Variants in CACNA1F observed in about 807,000 individuals in gnomAD.
CACNA1F encodes calcium voltage-gated channel subunit alpha1 F.
Under a neutral mutation model 143.8 loss-of-function variants are expected in CACNA1F, and 59 were observed. The ratio of observed to expected loss-of-function variants is 0.41; its 90% CI spans 0.33 to 0.51. The LOEUF is 0.51. Ranked by LOEUF, CACNA1F falls within the 20% of genes least tolerant of loss-of-function variation. The pLI is 0.22. For missense variants in CACNA1F, 1,411 were observed against 1,647.5 expected, an observed-to-expected ratio of 0.86 and a Z score of 2.48; for synonymous variants, 643 against 649.1, an observed-to-expected ratio of 0.99 and a Z score of 0.14.
At position 49,215,119 on chromosome X, in the gene CACNA1F, G is replaced by A; in HGVS notation, c.3564C>T (p.Leu1188=). ...SAAFEYLMFL[L]ILLNTVALAM... is the part of the protein sequence containing the mutation. Reference sequence around the variant, plus strand: ...CTAGGGCAACTGTGTTGAGCAGGATGAGCAGGAACATCAGGTACTCAAAGG... The same window carrying A: ...CTAGGGCAACTGTGTTGAGCAGGATAAGCAGGAACATCAGGTACTCAAAGG... Residue 1188 remains leucine, a synonymous_variant, in exon 29 of 48, where the codon CTC becomes CTT. Coordinates refer to ENST00000323022, the MANE Select transcript of CACNA1F (RefSeq NM_001256789.3). 1.7e-6 allele frequency: 2 copies of A among 1,210,888 alleles called. No homozygotes were observed. The highest frequency in any genetic ancestry group is 4.6e-4 in the Middle Eastern group (2 of 4,354).
In CACNA1F at chrX:49,211,023, C is replaced by G; in HGVS notation, c.4330G>C (p.Gly1444Arg). 1 of 1,205,183 alleles carries G rather than the reference C, an allele frequency of 8.3e-7. No homozygotes were observed. Among genetic ancestry groups the G allele is most frequent in the Non-Finnish European group, 1.1e-6 (1 of 890,676 alleles). The stretch of plus-strand genomic sequence containing the variant: ...TTGAATTCATCAAGGTGATGGGGGC[C>G]CAGGATGGACCAATCTCTGGTGAGA... ...DYLTRDWSIL[G>R]PHHLDEFKRI... is the part of the protein sequence containing the mutation. The change falls in exon 37 of 48, where the codon GGC becomes CGC. Residue 1444 changes from glycine to arginine, a missense_variant. Transcript: ENST00000323022.
rs1557105059 is a variant in CACNA1F, at chrX:49,206,899, G to C, written c.5232-44C>G. On this transcript the variant is annotated intron_variant, in intron 44 of 47. Coordinates refer to ENST00000323022, the MANE Select transcript of CACNA1F (RefSeq NM_001256789.3). The stretch of plus-strand genomic sequence containing the variant: ...CAGGGGTGAACTTGGGTCTGGGCCT[G>C]GACCTGGGCCTGGGAGATGGGGCAC... 2.5e-6 allele frequency: 3 copies of C among 1,178,858 alleles called. No individual in the cohort carries two copies. The Admixed American group carries it at 6.6e-5, about 26-fold the overall frequency.
chrX:49,219,395 G>T lies in CACNA1F; in HGVS notation c.2599C>A (p.Leu867Met). The change falls in exon 21 of 48, where the codon CTG (leucine) becomes ATG (methionine). Residue 867 changes from leucine (L) to methionine (M), a missense_variant. Leu to Met is a conservative substitution (Grantham distance 15). Around this residue, in one of 3 missense-constraint regions of CACNA1F, gnomAD observed 950 missense variants for 1,128.1 expected, o/e 0.84. Coordinates refer to ENST00000323022, the MANE Select transcript of CACNA1F (RefSeq NM_001256789.3). ...ACACTGCTGAGGATGATGAACACCA[G>T]GATAAGATTGGTGAAGACATGATGG... ...IHHHVFTNLI[L>M]VFIILSSVSL... 8.3e-7 allele frequency: 1 copy of T among 1,208,255 alleles called. No individual in the cohort carries two copies. Among genetic ancestry groups the T allele is most frequent in the South Asian group, 1.8e-5 (1 of 56,341 alleles).
chrX:49,212,061 A>C, intron 34 of CACNA1F, 72 bp from the exon 35 acceptor site: 1 of 891,286 alleles, frequency 1.1e-6, no homozygotes, highest in Non-Finnish European at 1.7e-6. Context: ...CTAATACCTA[A>C]AGGAGCCTCA....
Position 49,208,893 on chromosome X carries a change from A to G in CACNA1F, c.4954-209T>C, listed in dbSNP as rs782536662. On this transcript the variant is annotated intron_variant, in intron 42 of 47. Transcript: ENST00000323022. ...CAGGCGGGAGTGCAGTGGCATGATC[A>G]CAGCTCACTGTGGCCTCATCCTCCC... 197 of 452,272 alleles carry G rather than the reference A, an allele frequency of 4.4e-4. 1 individual carries two copies. In the South Asian group the frequency reaches 6.2e-3, roughly 14 times the overall value. The allele number at this position is 452,272 out of a possible 1,213,427, so 37.3% of individuals were successfully genotyped here.
chrX:49,213,604 A>G (rs1216428036), intron 31 of CACNA1F, among the ~76,000 whole-genome samples: 2 of 111,803 alleles, frequency 1.8e-5, no homozygotes, highest in African/African-American at 6.5e-5. Context: ...GAGCCAGTAG[A>G]TAGGTTACAA....
chrX:49,222,164 G>A lies in CACNA1F; in HGVS notation c.2288+358C>T, dbSNP rs140171853. The A allele has an allele frequency of 5.3e-3, 861 of 162,353 alleles. 9 individuals carry two copies. Among genetic ancestry groups the A allele is most frequent in the African/African-American group, 0.025 (808 of 32,459 alleles). 13.4% of individuals were successfully genotyped at this position (162,353 alleles called of 1,213,427 possible). On this transcript the variant is annotated intron_variant, in intron 17 of 47. Transcript: ENST00000323022. ...TCCTTGCTGACCTTAACCCCAAAGAGCAATCTTCATTTCTTGCTATCCTTT... is the reference window on the plus strand; with the variant it reads ...TCCTTGCTGACCTTAACCCCAAAGAACAATCTTCATTTCTTGCTATCCTTT...
Position 49,223,025 on chromosome X carries a change from G to A in CACNA1F, c.1989C>T (p.Gly663=). ...TGAACTTGCCCCCAAACAGCTGCATGCCAAGCAGGGAGAAGATAATGATGA... is the reference window on the plus strand; with the variant it reads ...TGAACTTGCCCCCAAACAGCTGCATACCAAGCAGGGAGAAGATAATGATGA... ...FLFIIIFSLL[G]MQLFGGKFNF... is the part of the protein sequence containing the mutation. The change falls in exon 15 of 48, where the codon GGC becomes GGT. Residue 663 remains glycine (G), a synonymous_variant. Coordinates refer to ENST00000323022, the MANE Select transcript of CACNA1F (RefSeq NM_001256789.3). 2 of 1,199,874 alleles carry A rather than the reference G, an allele frequency of 1.7e-6. No homozygotes were observed. The highest frequency in any genetic ancestry group is 1.8e-5 in the South Asian group (1 of 55,331).
chrX:49,222,800 A>G lies in CACNA1F; in HGVS notation c.2124T>C (p.Asp708=), dbSNP rs1557109003. ...TGEDWNVVMY[D]GIMAYGGPFF... ...AGGGGCCACCATATGCCATGATACC[A>G]TCATACATGACCACGTTCCAGTCCT... The change falls in exon 16 of 48, where the codon GAT becomes GAC. Residue 708 remains aspartate, a synonymous_variant. Transcript: ENST00000323022. The G allele has an allele frequency of 8.3e-7, 1 of 1,210,612 alleles. No individual in the cohort carries two copies.
chrX:49,231,745 G>A lies in CACNA1F; in HGVS notation c.208C>T (p.Arg70Trp). ...VAVASAQRSPRALFCLTLANP... is the reference protein window; with the variant it reads ...VAVASAQRSPWALFCLTLANP... Reference sequence around the variant, plus strand: ...GCCAGGGTGAGGCAGAAGAGTGCCCGAGGTGACCGCTGGGCACTGGCCACT... The same window carrying A: ...GCCAGGGTGAGGCAGAAGAGTGCCCAAGGTGACCGCTGGGCACTGGCCACT... Residue 70 changes from arginine to tryptophan, a missense_variant, in exon 2 of 48, where the codon CGG (arginine) becomes TGG (tryptophan). Physicochemically the swap from Arg to Trp is moderately radical, Grantham distance 101. Transcript: ENST00000323022. 1 of 1,210,782 alleles carries A rather than the reference G, an allele frequency of 8.3e-7. No homozygotes were observed. Among genetic ancestry groups the A allele is most frequent in the Non-Finnish European group, 1.1e-6 (1 of 894,500 alleles).
At chrX:49,212,880 C>A (rs1017018633) in intron 32 of CACNA1F, 85 bp from the exon 33 acceptor site, 11 of 1,166,484 alleles carry the variant, frequency 9.4e-6, no homozygotes, top group African/African-American at 1.8e-5. Context: ...TCCCAGTACC[C>A]AAATCACTCA....
intron 1 of CACNA1F, among the ~76,000 whole-genome samples, chrX:49,232,554 G>C (rs1201272310): frequency 2.7e-5 from 3 of 112,000 alleles, no homozygotes; most frequent in Non-Finnish European, 3.8e-5. Context: ...ATCTCTTTGA[G>C]CCTCAGTTTC....
chrX:49,214,258 C>G lies in CACNA1F; in HGVS notation c.3609G>C (p.Gln1203His). Residue 1203 changes from glutamine to histidine, a missense_variant, in exon 30 of 48, where the codon CAG (glutamine) becomes CAC (histidine). Around this residue, in one of 3 missense-constraint regions of CACNA1F, gnomAD observed 950 missense variants for 1,128.1 expected, o/e 0.84. Transcript: ENST00000323022. ...TVALAMQHYE[Q>H]TAPFNYAMDI... ...CCATGGCATAGTTGAAGGGAGCAGT[C>G]TGCTCATAGTGCTGCAGGAGAAAAT... is the stretch of plus-strand genomic sequence containing the variant. 1 of 1,159,113 alleles carries G rather than the reference C, an allele frequency of 8.6e-7. No homozygotes were observed. The highest frequency in any genetic ancestry group is 1.2e-6 in the Non-Finnish European group (1 of 847,163).
At chrX:49,210,211 G>T in intron 39 of CACNA1F, 90 bp downstream of exon 39, 2 of 742,618 alleles carry the variant, frequency 2.7e-6, no homozygotes, top group Admixed American at 2.2e-5. Context: ...CCATTCTGGG[G>T]TTCAGAGCTA....
intron 43 of CACNA1F, 86 bp downstream of exon 43, chrX:49,208,429 C>CCAAAA: frequency 1.7e-6 from 1 of 597,037 alleles, no homozygotes; most frequent in Non-Finnish European, 2.6e-6. Context: ...TCCCACCCCC[C>CCAAAA]TCAACTTCCT....
Position 49,230,994 on chromosome X carries a change from G to T in CACNA1F, c.382-5C>A. On this transcript the variant is annotated splice_region_variant and splice_polypyrimidine_tract_variant and intron_variant, in intron 3 of 47. Coordinates refer to ENST00000323022, the MANE Select transcript of CACNA1F (RefSeq NM_001256789.3). ...GAATACGTACTCCACCTGCTCCTGG[G>T]GGTGGGACCGGGGGGCGGGTCGGGA... The T allele has an allele frequency of 8.5e-7, 1 of 1,178,918 alleles. No individual in the cohort carries two copies. Among genetic ancestry groups the T allele is most frequent in the Non-Finnish European group, 1.2e-6 (1 of 868,059 alleles).
intron 39 of CACNA1F, 21 bp downstream of exon 39, chrX:49,210,280 A>AC (rs781806238): frequency 9.0e-7 from 1 of 1,107,827 alleles, no homozygotes; most frequent in Non-Finnish European, 1.2e-6. Context: ...GAACGATCCC[A>AC]CTCCTGCCCC....
intron 27 of CACNA1F, 110 bp from the exon 28 acceptor site, chrX:49,215,653 G>A (rs1557107267): frequency 3.9e-6 from 2 of 512,168 alleles, no homozygotes; most frequent in Non-Finnish European, 3.2e-6. Flanking sequence ...TTTCCTGCCT[G>A]GCACCCCAAA....
At chrX:49,209,907 G>C in intron 40 of CACNA1F, 34 bp downstream of exon 40, 1 of 1,138,339 alleles carries the variant, frequency 8.8e-7, no homozygotes, top group Non-Finnish European at 1.2e-6. Context: ...CCATTCAGGG[G>C]CTGGCGCGGG....
Sources: gnomAD v4.1 joint callset for allele counts (sites outside exome capture counted in the v4.1 genomes callset) on GRCh38, gnomAD v4.1.1 for gene constraint, gnomAD v4.1.1 regional missense constraint, MANE v1.5 for transcripts, NCBI Gene and HGNC (gene_info 2026-07-23, HGNC 2026-07-21) for gene names.